The following DDA1 variants were observed in gnomAD, a reference collection of about 807,000 sequenced individuals.
DDA1 encodes the protein DET1 and DDB1 associated 1, also known as DET1- and DDB1-associated protein 1.
Under a neutral mutation model 18.6 loss-of-function variants are expected in DDA1, and 3 were observed. That is an observed-to-expected ratio of 0.16 (90% CI 0.07 to 0.42). DDA1 has a LOEUF of 0.42. Ranked by LOEUF, DDA1 falls within the 10% of genes least tolerant of loss-of-function variation. DDA1 has a pLI of 0.99. For missense variants in DDA1, 105 were observed against 138.2 expected (o/e 0.76, Z 1.20); for synonymous variants, 52 against 54.0 (o/e 0.96, Z 0.17).
rs767548346 is a variant in DDA1, at chr19:17,315,982, A to G, written c.185A>G (p.Gln62Arg). 6.2e-6 allele frequency: 10 copies of G among 1,614,194 alleles called. No homozygotes were observed. The highest frequency in any genetic ancestry group is 7.6e-6 in the Non-Finnish European group (9 of 1,180,034). The part of the protein sequence containing the change: ...TNILLRYLHQ[Q>R]WDKKNAAKKR... ...ATCCTCCTGCGCTACCTGCATCAGCAATGGGACAAAAAGGTGAGGCCCACA... is the reference window on the plus strand; with the variant it reads ...ATCCTCCTGCGCTACCTGCATCAGCGATGGGACAAAAAGGTGAGGCCCACA... Residue 62 changes from glutamine (Q) to arginine (R), a missense_variant, in exon 4 of 5, where the codon CAA becomes CGA. Around this residue, in one of 2 missense-constraint regions of DDA1, gnomAD observed 43 missense variants for 82.3 expected, o/e 0.52. Transcript: ENST00000359866.
chr19:17,312,882 C>T (rs2074185522), intron 1 of DDA1, among the ~76,000 whole-genome samples: 1 of 147,108 alleles, frequency 6.8e-6, no homozygotes, highest in Middle Eastern at 3.4e-3. Context: ...TGAACAGGTC[C>T]TGGGGCAGTA....
chr19:17,311,353 C>T (rs1012041555), intron 1 of DDA1, among the ~76,000 whole-genome samples: 2 of 152,142 alleles, frequency 1.3e-5, no homozygotes, highest in African/African-American at 4.8e-5. Flanking sequence ...GACAGGTTTT[C>T]ACCATATTGG....
At chr19:17,319,486 G>C in intron 4 of DDA1, 60 bp from the exon 5 acceptor site, 1 of 1,442,366 alleles carries the variant, frequency 6.9e-7, no homozygotes, top group Non-Finnish European at 9.5e-7. Flanking sequence ...CTTGAGCCCA[G>C]AAGGTTGAGG....
At position 17,314,704 on chromosome 19, in the gene DDA1, G is replaced by A. The variant is rs2074194481; in HGVS notation, c.136+315G>A. 2 of 408,872 alleles carry A rather than the reference G, an allele frequency of 4.9e-6. No individual in the cohort carries two copies. Among genetic ancestry groups the A allele is most frequent in the African/African-American group, 2.0e-5 (1 of 49,040 alleles). The allele number at this position is 408,872 out of a possible 1,614,324, so 25.3% of individuals were successfully genotyped here. Reference sequence around the variant, plus strand: ...CACTGGGATCCACAGCCAGCCCAAAGGGGCCCCCAAGTTGTCCCTCATCTG... The same window carrying A: ...CACTGGGATCCACAGCCAGCCCAAAAGGGCCCCCAAGTTGTCCCTCATCTG... On this transcript the variant is annotated intron_variant, in intron 3 of 4. Coordinates refer to ENST00000359866, the MANE Select transcript of DDA1 (RefSeq NM_024050.6). The surrounding 1 kb of genome is among the most constrained non-coding windows in gnomAD (Gnocchi z 4.6).
At chr19:17,312,141 C>T (rs2074181923) in intron 1 of DDA1, among the ~76,000 whole-genome samples, 1 of 152,140 alleles carries the variant, frequency 6.6e-6, no homozygotes, top group Non-Finnish European at 1.5e-5. Flanking sequence ...GGAAGTCCCT[C>T]GTCCCAGGTC....
intron 4 of DDA1, among the ~76,000 whole-genome samples, chr19:17,316,641 A>G (rs886551778): frequency 2.7e-5 from 4 of 148,304 alleles, no homozygotes; most frequent in Non-Finnish European, 6.0e-5. Flanking sequence ...TTGGGAGGCC[A>G]AGGTGGGCAG....
chr19:17,314,091 G>A lies in DDA1; in HGVS notation c.72G>A (p.Val24=). ...TTAGTCGATTTCACGCGGACTCCGT[G>A]TGCAAAGCCTCGGTGAGTGCGTGTT... The part of the protein sequence containing the change: ...SNFSRFHADS[V]CKASNRRPSV... Residue 24 remains valine, a synonymous_variant, in exon 2 of 5, where the codon GTG becomes GTA. Coordinates refer to ENST00000359866, the MANE Select transcript of DDA1 (RefSeq NM_024050.6). The surrounding 1 kb of genome is among the most constrained non-coding windows in gnomAD (Gnocchi z 4.6). 1 of 1,614,102 alleles carries A rather than the reference G, an allele frequency of 6.2e-7. No individual in the cohort carries two copies. Among genetic ancestry groups the A allele is most frequent in the Non-Finnish European group, 8.5e-7 (1 of 1,180,002 alleles).
In DDA1 at chr19:17,315,285, A is replaced by ACGTGTATATACACACG. The variant is rs1568353926; in HGVS notation, c.137-648_137-647insGTGTATATACACACGC. Among the ~76,000 whole-genome samples the ACGTGTATATACACACG allele has an allele frequency of 9.7e-5, 4 of 41,386 alleles. 2 individuals are homozygous for ACGTGTATATACACACG. In the East Asian group the frequency reaches 1.1e-3, roughly 11 times the overall value. The allele number at this position is 41,386 out of a possible 152,430, so 27.2% of individuals were successfully genotyped here. On this transcript the variant is annotated intron_variant, in intron 3 of 4. Transcript: ENST00000359866. The stretch of plus-strand genomic sequence containing the variant: ...TATACACACACGTGTATATACACAC[A>ACGTGTATATACACACG]CTATATATATACACACGTGTATATA...
Position 17,318,732 on chromosome 19 carries a change from C to T in DDA1, c.199-814C>T, listed in dbSNP as rs2074225660. On this transcript the variant is annotated intron_variant, in intron 4 of 4. Coordinates refer to ENST00000359866, the MANE Select transcript of DDA1 (RefSeq NM_024050.6). ...GCTGGAGTGAGTGCAGTGGCGTGAT[C>T]TCAGCTCACTGCAACCTCCGCCTCT... Among the ~76,000 whole-genome samples, 5 of 149,662 alleles carry T rather than the reference C, an allele frequency of 3.3e-5. No homozygotes were observed. The South Asian group carries it at 1.1e-3, about 32-fold the overall frequency.
chr19:17,315,238 C>G lies in DDA1; in HGVS notation c.137-696C>G, dbSNP rs1249154737. 3.1e-5 allele frequency among the ~76,000 whole-genome samples: 2 copies of G among 65,450 alleles called. 1 individual carries two copies. The highest frequency in any genetic ancestry group is 1.7e-4 in the African/African-American group (2 of 11,610). The allele number at this position is 65,450 out of a possible 152,430, so 42.9% of individuals were successfully genotyped here. A position where few individuals can be genotyped will look rare whatever the true frequency, so the allele number is the denominator to read the frequency against. ...ATACACACACGTGTATACACACACA[C>G]GTGTATATACACACACGTGTATATA... On this transcript the variant is annotated intron_variant, in intron 3 of 4. Coordinates refer to ENST00000359866, the MANE Select transcript of DDA1 (RefSeq NM_024050.6).
chr19:17,314,245 A>C lies in DDA1; in HGVS notation c.85-93A>C. 1 of 1,574,466 alleles carries C rather than the reference A, an allele frequency of 6.4e-7. No homozygotes were observed. The highest frequency in any genetic ancestry group is 8.7e-7 in the Non-Finnish European group (1 of 1,145,314). On this transcript the variant is annotated intron_variant, in intron 2 of 4. Transcript: ENST00000359866. This position sits in a 1 kb window ranked among gnomAD's most constrained non-coding sequence, Gnocchi z 4.6. Reference sequence around the variant, plus strand: ...CCATCCACATACTTGAGTGTCTTCCAATCTGCACTGAAGGGTGGGTGCTGA... The same window carrying C: ...CCATCCACATACTTGAGTGTCTTCCCATCTGCACTGAAGGGTGGGTGCTGA...
chr19:17,310,401 G>T (rs951071370), intron 1 of DDA1, among the ~76,000 whole-genome samples: 1 of 151,346 alleles, frequency 6.6e-6, no homozygotes. Flanking sequence ...GCTGTTGGAA[G>T]GTTGAAATTC....
At position 17,320,400 on chromosome 19, in the gene DDA1, C is replaced by T. The variant is rs1386732607; in HGVS notation, c.*744C>T. On this transcript the variant is annotated 3_prime_UTR_variant, in exon 5 of 5. Transcript: ENST00000359866. ...GAGAAGGGCCCCCCACGCCAGGGGC[C>T]CCAGGACCGGCTGGATTCTCTCGTG... The T allele has an allele frequency of 6.6e-6, 1 of 152,246 alleles. No homozygotes were observed. Among genetic ancestry groups the T allele is most frequent in the African/African-American group, 2.4e-5 (1 of 41,416 alleles). 9.4% of individuals were successfully genotyped at this position (152,246 alleles called of 1,614,324 possible). A position where few individuals can be genotyped will look rare whatever the true frequency, so the allele number is the denominator to read the frequency against.
Position 17,315,169 on chromosome 19 carries a change from ATATACACACACGTG to A in DDA1, c.137-741_137-728del, listed in dbSNP as rs1179555484. 2.5e-4 allele frequency among the ~76,000 whole-genome samples: 17 copies of A among 66,764 alleles called. 4 individuals carry two copies. Among genetic ancestry groups the A allele is most frequent in the East Asian group, 1.5e-3 (6 of 3,886 alleles). 43.8% of individuals were successfully genotyped at this position (66,764 alleles called of 152,430 possible). A position where few individuals can be genotyped will look rare whatever the true frequency, so the allele number is the denominator to read the frequency against. Reference sequence around the variant, plus strand: ...CACACACGTATATATACACACGTGTATATACACACACGTGTATACACACACGTGTATACACACGT... The same window carrying A: ...CACACACGTATATATACACACGTGTATATACACACACGTGTATACACACGT... On this transcript the variant is annotated intron_variant, in intron 3 of 4. Transcript: ENST00000359866.
rs1180544698 is a variant in DDA1, at chr19:17,320,016, G to A, written c.*360G>A. 1.5e-5 allele frequency: 3 copies of A among 204,038 alleles called. No homozygotes were observed. The highest frequency in any genetic ancestry group is 7.5e-5 in the South Asian group (1 of 13,396). 12.6% of individuals were successfully genotyped at this position (204,038 alleles called of 1,614,324 possible). On this transcript the variant is annotated 3_prime_UTR_variant, in exon 5 of 5. Transcript: ENST00000359866. ...GAGTGTGTCTGTGAGAGTCTCTAGC[G>A]GGGGCTTTACTGTGGCCGGGCGACA...
At chr19:17,315,162 C>T (rs2074198433) in intron 3 of DDA1, among the ~76,000 whole-genome samples, 1 of 74,130 alleles carries the variant, frequency 1.3e-5, no homozygotes, top group African/African-American at 7.3e-5. Flanking sequence ...TATATATACA[C>T]ACGTGTATAT....
At chr19:17,317,142 T>A (rs1599536793) in intron 4 of DDA1, among the ~76,000 whole-genome samples, 1 of 149,496 alleles carries the variant, frequency 6.7e-6, no homozygotes, top group African/African-American at 2.5e-5. Context: ...GAAGAATGGC[T>A]TGAACCTGGG....
chr19:17,316,615 C>T (rs1350211397), intron 4 of DDA1, among the ~76,000 whole-genome samples: 1 of 151,934 alleles, frequency 6.6e-6, no homozygotes, highest in African/African-American at 2.4e-5. Flanking sequence ...TGGCTCACGC[C>T]TGTAATCCCA....
At position 17,314,296 on chromosome 19, in the gene DDA1, C is replaced by G. The variant is rs1393946616; in HGVS notation, c.85-42C>G. 1.9e-6 allele frequency: 3 copies of G among 1,612,652 alleles called. No homozygotes were observed. Among genetic ancestry groups the G allele is most frequent in the Non-Finnish European group, 2.5e-6 (3 of 1,178,682 alleles). On this transcript the variant is annotated intron_variant, in intron 2 of 4. Transcript: ENST00000359866. The surrounding 1 kb of genome is among the most constrained non-coding windows in gnomAD (Gnocchi z 4.6). ...GTGGAGGGATGAGGAGACCCCAGGC[C>G]CATGCACTCTCCTAACCCACCCCTT... is the stretch of plus-strand genomic sequence containing the variant.
Sources: allele counts gnomAD v4.1 joint callset (sites outside exome capture counted in the v4.1 genomes callset), GRCh38; gene constraint gnomAD v4.1.1; regional missense constraint gnomAD v4.1.1; non-coding constraint Gnocchi (gnomAD v3.1); transcripts MANE v1.5; gene names NCBI Gene and HGNC (gene_info 2026-07-23, HGNC 2026-07-21).